Variants in SASH1 observed in about 807,000 individuals in gnomAD.
SASH1 encodes SAM and SH3 domain containing 1.
SASH1 carries 44 observed loss-of-function variants against 125.2 expected under a neutral mutation model. That is an observed-to-expected ratio of 0.35 (90% confidence interval 0.28 to 0.45). The LOEUF is 0.45. Ranked by LOEUF, SASH1 falls within the 20% of genes least tolerant of loss-of-function variation. The pLI, the probability that SASH1 is intolerant of heterozygous loss-of-function variation, is 1.00. For synonymous variants in SASH1, 639 were observed against 649.1 expected (o/e 0.98, Z 0.24); for missense variants, 1,426 against 1,614.5 (o/e 0.88, Z 2.00).
chr6:148,235,847 T>C, the SASH1 span, among the ~76,000 whole-genome samples: 1 of 152,218 alleles, frequency 6.6e-6, no homozygotes, highest in South Asian at 2.1e-4. Flanking sequence ...ACCTCTATTT[T>C]AAGTTTACTG....
At chr6:148,492,799 C>T (rs2115233191) in intron 8 of SASH1, among the ~76,000 whole-genome samples, 1 of 151,334 alleles carries the variant, frequency 6.6e-6, no homozygotes, top group South Asian at 2.1e-4. Context: ...CCAGCCTGGG[C>T]AATAGAGCAA....
chr6:148,427,493 A>G (rs188439287), intron 2 of SASH1, among the ~76,000 whole-genome samples: 199 of 152,286 alleles, frequency 1.3e-3, no homozygotes, highest in Non-Finnish European at 2.3e-3. Context: ...GAAGTGATCC[A>G]TTGCCACATT....
the SASH1 span, among the ~76,000 whole-genome samples, chr6:148,237,003 C>T: frequency 1.3e-5 from 2 of 152,202 alleles, no homozygotes; most frequent in African/African-American, 2.4e-5. Context: ...AGACCCTCAC[C>T]GGATCTGGGC....
At chr6:148,432,203 G>A (rs1037589924) in intron 2 of SASH1, among the ~76,000 whole-genome samples, 4 of 152,100 alleles carry the variant, frequency 2.6e-5, no homozygotes, top group African/African-American at 9.7e-5. Context: ...TCAAACTCCC[G>A]ACCTCAGGTG....
At chr6:148,339,231 A>G (rs952331423), upstream of SASH1, among the ~76,000 whole-genome samples, 1 of 151,878 alleles carries the variant, frequency 6.6e-6, no homozygotes, top group Admixed American at 6.6e-5. Flanking sequence ...TCTAGTAGAG[A>G]CGAGGTTTCA....
rs572061580 is a variant in SASH1 at position 148,375,532 on chromosome 6, C to T, written c.157-14602C>T. Among the ~76,000 whole-genome samples, 5 of 152,242 alleles carry T rather than the reference C, an allele frequency of 3.3e-5. No homozygotes were observed. The South Asian group carries it at 1.0e-3, about 32-fold the overall frequency. ...GTGCTTCAGATGCTTTTTCAGAGTA[C>T]TTTCACATTATTTTCTTGGCAAAAG... On this transcript the variant is annotated intron_variant, in intron 1 of 19. Transcript: ENST00000367467.
At chr6:148,467,530 T>C (rs1004364549) in intron 4 of SASH1, among the ~76,000 whole-genome samples, 4 of 152,182 alleles carry the variant, frequency 2.6e-5, no homozygotes, top group African/African-American at 9.7e-5. Flanking sequence ...GCCAAAGGTG[T>C]TGGGGTGGGA....
chr6:148,520,212 C>A, intron 10 of SASH1: 1 of 285,848 alleles, frequency 3.5e-6, no homozygotes, highest in South Asian at 5.5e-5. Context: ...GTACAGCCAC[C>A]TGAACCTGAC....
chr6:148,306,227 G>T (rs1359437538), intron 1 of SASH1, among the ~76,000 whole-genome samples: 2 of 152,098 alleles, frequency 1.3e-5, no homozygotes, highest in African/African-American at 2.4e-5. Context: ...CTTTCCACTC[G>T]CTTGTTCTCT....
chr6:148,537,833 G>GTGTGTGTGT (rs1781957281), intron 16 of SASH1, among the ~76,000 whole-genome samples: 1 of 100,866 alleles, frequency 9.9e-6, no homozygotes, highest in Non-Finnish European at 2.2e-5. Context: ...TGTGTGTGTG[G>GTGTGTGTGT]TTGGTGAGGC....
chr6:148,510,665 C>A (rs1780062520), intron 8 of SASH1, among the ~76,000 whole-genome samples: 1 of 151,844 alleles, frequency 6.6e-6, no homozygotes, highest in East Asian at 1.9e-4. Context: ...TATAAAAATT[C>A]TCAAGCCCCC....
rs1372998491 is a variant in SASH1 at position 148,549,613 on chromosome 6, A to G, written c.*1055A>G. 2.5e-6 allele frequency: 1 copy of G among 399,044 alleles called. No homozygotes were observed. 24.7% of individuals were successfully genotyped at this position (399,044 alleles called of 1,614,324 possible). A position where few individuals can be genotyped will look rare whatever the true frequency, so the allele number is the denominator to read the frequency against. ...TGCATATTTCAGAAAGATGTCCTTA[A>G]TAAGGGAAGTCATGTATAAGATGTT... On this transcript the variant is annotated 3_prime_UTR_variant, in exon 20 of 20. Transcript: ENST00000367467.
At chr6:148,436,973 A>G (rs946475184) in intron 2 of SASH1, among the ~76,000 whole-genome samples, 4 of 152,174 alleles carry the variant, frequency 2.6e-5, no homozygotes, top group African/African-American at 9.7e-5. Flanking sequence ...CATATACTCA[A>G]TGATTGTTTT....
At chr6:148,289,866 T>G (rs1417482643) in intron 1 of SASH1, among the ~76,000 whole-genome samples, 4 of 135,862 alleles carry the variant, frequency 2.9e-5, no homozygotes, top group African/African-American at 1.2e-4. Flanking sequence ...GTTGTGTTTT[T>G]TTTTTTTTTT....
chr6:148,353,294 C>G (rs1562344354), intron 1 of SASH1, among the ~76,000 whole-genome samples: 1 of 151,958 alleles, frequency 6.6e-6, no homozygotes, highest in Non-Finnish European at 1.5e-5. Context: ...ACAGGCTGAT[C>G]TTGAACTCTT....
At chr6:148,373,000 G>A (rs908120008) in intron 1 of SASH1, among the ~76,000 whole-genome samples, 4 of 152,100 alleles carry the variant, frequency 2.6e-5, no homozygotes, top group Non-Finnish European at 5.9e-5. Context: ...TTCGAGACCA[G>A]CCTCAACATG....
At chr6:148,479,743 T>C (rs1403852513) in intron 7 of SASH1, 1 of 153,166 alleles carries the variant, frequency 6.5e-6, no homozygotes, top group East Asian at 1.9e-4. Context: ...CTCTGCGTGG[T>C]TGCAGAAGCA....
chr6:148,347,786 G>A lies in SASH1; in HGVS notation c.156+4563G>A, dbSNP rs1029567657. On this transcript the variant is annotated intron_variant, in intron 1 of 19. Coordinates refer to ENST00000367467, the MANE Select transcript of SASH1 (RefSeq NM_015278.5). ...TTAGCCCACTGAAGAAAGCCTTGTG[G>A]CCTCTCTATGTGGAGAAGTTGCAGG... 3.9e-5 allele frequency among the ~76,000 whole-genome samples: 6 copies of A among 152,128 alleles called. 1 individual carries two copies. Among genetic ancestry groups the A allele is most frequent in the African/African-American group, 1.4e-4 (6 of 41,416 alleles).
rs770017714 is a variant in SASH1 at position 148,544,546 on chromosome 6, C to G, written c.3076C>G (p.Pro1026Ala). 6.2e-7 allele frequency: 1 copy of G among 1,613,152 alleles called. No homozygotes were observed. The highest frequency in any genetic ancestry group is 2.2e-5 in the East Asian group (1 of 44,868). Residue 1026 changes from proline (P) to alanine (A), a missense_variant, in exon 18 of 20, where the codon CCC becomes GCC. This residue lies in a region of SASH1 where 634 missense variants were observed against 694.4 expected (regional missense o/e 0.91). Transcript: ENST00000367467. The surrounding 1 kb of genome is among the most constrained non-coding windows in gnomAD (Gnocchi z 6.4). ...APCLPVKRGS[P>A]ASPTSPSDCP... is the part of the protein sequence containing the mutation. Reference sequence around the variant, plus strand: ...ATGCCTGCCAGTGAAAAGGGGCAGCCCCGCCAGCCCCACCAGCCCTAGCGA... The same window carrying G: ...ATGCCTGCCAGTGAAAAGGGGCAGCGCCGCCAGCCCCACCAGCCCTAGCGA...
Sources: gnomAD v4.1 joint callset for allele counts (sites outside exome capture counted in the v4.1 genomes callset) on GRCh38, gnomAD v4.1.1 for gene constraint, gnomAD v4.1.1 regional missense constraint, Gnocchi (gnomAD v3.1) non-coding constraint, MANE v1.5 for transcripts, NCBI Gene and HGNC (gene_info 2026-07-23, HGNC 2026-07-21) for gene names.